Variants in COL24A1 observed in about 807,000 individuals in gnomAD.
COL24A1 encodes the protein collagen type XXIV alpha 1 chain.
A neutral mutation model predicts 253.9 loss-of-function variants in COL24A1; 224 were observed. That is an observed-to-expected ratio of 0.88 (90% CI 0.79 to 0.99). COL24A1 has a LOEUF of 0.99. Ranked by LOEUF, COL24A1 falls within the 50% of genes least tolerant of loss-of-function variation. The pLI is 0.00. For synonymous variants in COL24A1, 685 were observed against 673.7 expected (o/e 1.02, Z -0.26); for missense variants, 2,131 against 2,068.5 (o/e 1.03, Z -0.59).
intron 5 of COL24A1, among the ~76,000 whole-genome samples, chr1:86,096,197 T>C (rs1025437254): frequency 9.2e-5 from 14 of 152,164 alleles, no homozygotes; most frequent in Non-Finnish European, 1.8e-4. Context: ...AAAATCACTT[T>C]TACAATTGTT....
intron 24 of COL24A1, among the ~76,000 whole-genome samples, chr1:85,955,662 G>A (rs1206688716): frequency 6.6e-6 from 1 of 152,204 alleles, no homozygotes; most frequent in African/African-American, 2.4e-5. Flanking sequence ...CTGCAGGGGG[G>A]ATAAGGGAAG....
intron 57 of COL24A1, among the ~76,000 whole-genome samples, chr1:85,742,126 A>G (rs994291860): frequency 2.2e-4 from 18 of 82,450 alleles, no homozygotes; most frequent in African/African-American, 6.5e-4. Context: ...TTTAGACCTC[A>G]TTTCTTTTTT....
chr1:86,073,997 A>C (rs895720705), intron 7 of COL24A1, among the ~76,000 whole-genome samples: 1 of 152,244 alleles, frequency 6.6e-6, no homozygotes, highest in Non-Finnish European at 1.5e-5. Flanking sequence ...AGTACCAGCC[A>C]CTGCAAAAAC....
At chr1:85,973,307 G>C (rs1692353956) in intron 20 of COL24A1, among the ~76,000 whole-genome samples, 1 of 152,120 alleles carries the variant, frequency 6.6e-6, no homozygotes, top group South Asian at 2.1e-4. Context: ...GTAAGACAGA[G>C]TCCCTGTTCC....
Position 86,095,156 on chromosome 1 carries a change from C to T in COL24A1, c.1600-2836G>A, listed in dbSNP as rs533590352. 1.1e-4 allele frequency among the ~76,000 whole-genome samples: 17 copies of T among 151,976 alleles called. No homozygotes were observed. The South Asian group carries it at 2.9e-3, about 26-fold the overall frequency. On this transcript the variant is annotated intron_variant, in intron 5 of 59. Transcript: ENST00000370571. ...ATAAATATCATGTTAAAAATTCTTACGTTTAGATCCTATTTGAATTTTCTA... is the reference window on the plus strand; with the variant it reads ...ATAAATATCATGTTAAAAATTCTTATGTTTAGATCCTATTTGAATTTTCTA...
intron 48 of COL24A1, among the ~76,000 whole-genome samples, chr1:85,785,766 C>G (rs1177919660): frequency 6.6e-6 from 1 of 152,182 alleles, no homozygotes; most frequent in Non-Finnish European, 1.5e-5. Context: ...ATGTCTTAGT[C>G]TTAGGCTTTT....
At chr1:85,917,136 A>G (rs1425252318) in intron 24 of COL24A1, among the ~76,000 whole-genome samples, 2 of 152,224 alleles carry the variant, frequency 1.3e-5, no homozygotes, top group African/African-American at 4.8e-5. Flanking sequence ...AACATGGATA[A>G]ACATTTTAGG....
At chr1:86,110,415 G>A (rs1327680656) in intron 5 of COL24A1, among the ~76,000 whole-genome samples, 7 of 151,914 alleles carry the variant, frequency 4.6e-5, no homozygotes, top group African/African-American at 1.7e-4. Flanking sequence ...AGCAGCCCTC[G>A]CTTGCTTTTG....
intron 1 of COL24A1, among the ~76,000 whole-genome samples, chr1:86,152,015 T>C (rs1171539002): frequency 2.0e-5 from 3 of 152,222 alleles, no homozygotes; most frequent in African/African-American, 7.2e-5. Context: ...CATGACAGCT[T>C]TACAGATTTT....
intron 37 of COL24A1, among the ~76,000 whole-genome samples, chr1:85,866,207 G>A (rs1341274486): frequency 1.3e-5 from 2 of 152,164 alleles, no homozygotes; most frequent in Non-Finnish European, 2.9e-5. Flanking sequence ...AGGTTGCAGT[G>A]AGCCAAGATC....
chr1:85,987,716 A>G, intron 19 of COL24A1, 62 bp from the exon 20 acceptor site: 1 of 1,441,014 alleles, frequency 6.9e-7, no homozygotes, highest in South Asian at 1.2e-5. Context: ...CATTTAGCAT[A>G]TAAAATTCCC....
intron 7 of COL24A1, among the ~76,000 whole-genome samples, chr1:86,066,137 T>C (rs551106944): frequency 5.1e-4 from 78 of 151,960 alleles, no homozygotes; most frequent in Non-Finnish European, 9.4e-4. Context: ...CATATTACAG[T>C]ACCTAGTTTT....
At chr1:85,925,948 A>G (rs1285396178) in intron 24 of COL24A1, among the ~76,000 whole-genome samples, 3 of 152,224 alleles carry the variant, frequency 2.0e-5, no homozygotes, top group African/African-American at 7.2e-5. Flanking sequence ...AATATCCAGA[A>G]ACTACAAAGA....
intron 2 of COL24A1, among the ~76,000 whole-genome samples, chr1:86,131,232 C>G (rs1434916493): frequency 6.6e-6 from 1 of 151,936 alleles, no homozygotes; most frequent in Non-Finnish European, 1.5e-5. Flanking sequence ...ACCATATTGA[C>G]CATTCTTGAT....
At position 86,124,927 on chromosome 1, in the gene COL24A1, T is replaced by TA. The variant is rs746901246; in HGVS notation, c.1408dup (p.Tyr470LeufsTer2). ...TAGATCCTCATAATAATAATAATCA[T>TA]AAAGCTCAGTTTCATAGCTATTTTC... On this transcript the variant is annotated frameshift_variant, in exon 3 of 60. Coordinates refer to ENST00000370571, the MANE Select transcript of COL24A1 (RefSeq NM_152890.7). LOFTEE classifies it high-confidence loss of function. 8 of 1,612,190 alleles carry TA rather than the reference T, an allele frequency of 5.0e-6. No homozygotes were observed. The highest frequency in any genetic ancestry group is 5.9e-6 in the Non-Finnish European group (7 of 1,179,312).
intron 14 of COL24A1, among the ~76,000 whole-genome samples, chr1:86,026,827 C>T (rs1465112281): frequency 6.6e-6 from 1 of 152,172 alleles, no homozygotes; most frequent in Non-Finnish European, 1.5e-5. Context: ...AAGTTTGGAA[C>T]TTCCTAGAGA....
chr1:85,969,370 C>G (rs546819089), intron 22 of COL24A1, among the ~76,000 whole-genome samples: 1 of 151,642 alleles, frequency 6.6e-6, no homozygotes, highest in East Asian at 1.9e-4. Flanking sequence ...TTTGGGAGGC[C>G]GAGGTGGGTG....
rs1191673414 is a variant in COL24A1, at chr1:85,734,895, T to C, written c.4852A>G (p.Ile1618Val). The C allele has an allele frequency of 1.2e-6, 2 of 1,614,218 alleles. No homozygotes were observed. Among genetic ancestry groups the C allele is most frequent in the Non-Finnish European group, 1.7e-6 (2 of 1,180,030 alleles). ...GGGGTGTTTAGACAGTGAATGGTGA[T>C]GATATGGGTGGCTTCCGAACTCAGT... The part of the protein sequence containing the change: ...HLLSSEATHI[I>V]TIHCLNTPRW... Residue 1618 changes from isoleucine (I) to valine (V), a missense_variant, in exon 59 of 60, where the codon ATC becomes GTC. Physicochemically the swap from Ile to Val is conservative, Grantham distance 29. Coordinates refer to ENST00000370571, the MANE Select transcript of COL24A1 (RefSeq NM_152890.7).
At chr1:86,098,793 A>G (rs769736505) in intron 5 of COL24A1, among the ~76,000 whole-genome samples, 1 of 152,206 alleles carries the variant, frequency 6.6e-6, no homozygotes, top group Non-Finnish European at 1.5e-5. Context: ...TTAACTATCT[A>G]CAGAATAAAA....
Sources: gnomAD v4.1 joint callset for allele counts (sites outside exome capture counted in the v4.1 genomes callset) on GRCh38, gnomAD v4.1.1 for gene constraint, MANE v1.5 for transcripts, NCBI Gene and HGNC (gene_info 2026-07-23, HGNC 2026-07-21) for gene names.